The following CDK14 variants were observed in gnomAD, a reference collection of about 807,000 sequenced individuals.
CDK14 encodes the protein cyclin-dependent kinase 14.
A neutral mutation model predicts 60.7 loss-of-function variants in CDK14; 34 were observed. That is an observed-to-expected ratio of 0.56 (90% CI 0.43 to 0.75). CDK14 has a LOEUF of 0.75. CDK14 is among the 30% of genes least tolerant of loss of function. The pLI, the probability that CDK14 is intolerant of heterozygous loss-of-function variation, is 0.00. For missense variants in CDK14, 482 were observed against 564.1 expected (o/e 0.85, Z 1.47); for synonymous variants, 197 against 203.7 (o/e 0.97, Z 0.28).
At chr7:90,759,072 T>A (rs1461241556) in intron 4 of CDK14, among the ~76,000 whole-genome samples, 4 of 117,640 alleles carry the variant, frequency 3.4e-5, no homozygotes, top group Non-Finnish European at 7.4e-5. Context: ...AAAAAAAAAA[T>A]CGTAAAACAA....
At position 91,062,757 on chromosome 7, in the gene CDK14, CA is replaced by C. The variant is rs3840670; in HGVS notation, c.1106-16670del. ...GTGAGGAAAATACTGTTTCATGACA[CA>C]AAAACAAACCACCCCAAAGGTGTAC... On this transcript the variant is annotated intron_variant, in intron 11 of 14. Coordinates refer to ENST00000380050, the MANE Select transcript of CDK14 (RefSeq NM_001287135.2). Among the ~76,000 whole-genome samples the C allele has an allele frequency of 1.6e-3, 250 of 151,646 alleles. 3 individuals are homozygous for C. In the East Asian group the frequency reaches 0.043, roughly 26 times the overall value.
At chr7:91,179,995 T>C (rs1801943281) in intron 14 of CDK14, among the ~76,000 whole-genome samples, 1 of 152,114 alleles carries the variant, frequency 6.6e-6, no homozygotes, top group Non-Finnish European at 1.5e-5. Flanking sequence ...TGCTATAGAG[T>C]ATTATAGAGT....
intron 6 of CDK14, among the ~76,000 whole-genome samples, chr7:90,889,515 G>T (rs1194116613): frequency 6.6e-6 from 1 of 152,148 alleles, no homozygotes. Context: ...TGTAAGACAC[G>T]TACAGGTTTA....
At chr7:91,062,791 C>G (rs1184656633) in intron 11 of CDK14, among the ~76,000 whole-genome samples, 4 of 152,124 alleles carry the variant, frequency 2.6e-5, no homozygotes, top group African/African-American at 9.7e-5. Flanking sequence ...TACTATACCC[C>G]ACTAAGTATC....
chr7:91,171,867 G>A (rs375270365), intron 14 of CDK14, among the ~76,000 whole-genome samples: 16 of 152,120 alleles, frequency 1.1e-4, no homozygotes, highest in South Asian at 6.2e-4. Context: ...GGCTGGTCTC[G>A]AACTCCTGAC....
At chr7:91,092,731 G>GC (rs1279901771) in intron 12 of CDK14, among the ~76,000 whole-genome samples, 1 of 152,110 alleles carries the variant, frequency 6.6e-6, no homozygotes, top group African/African-American at 2.4e-5. Context: ...AAAGTCAAAG[G>GC]CAAGGACTTG....
chr7:90,846,743 C>T (rs961583887), intron 5 of CDK14, among the ~76,000 whole-genome samples: 3 of 152,096 alleles, frequency 2.0e-5, no homozygotes, highest in Admixed American at 6.6e-5. Flanking sequence ...TCACTTCCCT[C>T]GGTTTTATGA....
chr7:90,970,230 TGCCGG>T (rs556625715), intron 9 of CDK14, among the ~76,000 whole-genome samples: 121 of 152,304 alleles, frequency 7.9e-4, no homozygotes, highest in Middle Eastern at 3.4e-3. Flanking sequence ...CTTCCCAAAG[TGCCGG>T]GATTAAAGGT....
intron 2 of CDK14, among the ~76,000 whole-genome samples, chr7:90,712,219 A>C (rs1298105245): frequency 1.3e-5 from 2 of 151,922 alleles, no homozygotes; most frequent in Admixed American, 1.3e-4. Context: ...AGTGTTTTCA[A>C]CCATCACCAC....
chr7:91,086,544 G>A (rs755730080), intron 12 of CDK14, among the ~76,000 whole-genome samples: 4 of 152,016 alleles, frequency 2.6e-5, no homozygotes, highest in Admixed American at 1.3e-4. Flanking sequence ...AGAAAACACC[G>A]TAAAGGCTCA....
At chr7:90,654,266 A>T (rs1254944037) in intron 2 of CDK14, among the ~76,000 whole-genome samples, 1 of 152,188 alleles carries the variant, frequency 6.6e-6, no homozygotes, top group Non-Finnish European at 1.5e-5. Flanking sequence ...CATTTAATTA[A>T]TAATAATGGA....
intron 10 of CDK14, among the ~76,000 whole-genome samples, chr7:91,036,988 G>A (rs995040426): frequency 3.3e-5 from 5 of 152,254 alleles, no homozygotes; most frequent in Non-Finnish European, 7.3e-5. Context: ...AATCACAGGG[G>A]TGAGCTTAGA....
chr7:90,981,688 A>G (rs1227074414), intron 9 of CDK14, among the ~76,000 whole-genome samples: 1 of 152,146 alleles, frequency 6.6e-6, no homozygotes, highest in East Asian at 1.9e-4. Context: ...GCAGGAGTGG[A>G]AGAAGTGTCC....
At chr7:90,999,129 C>G (rs946249770) in intron 10 of CDK14, among the ~76,000 whole-genome samples, 1 of 152,082 alleles carries the variant, frequency 6.6e-6, no homozygotes, top group African/African-American at 2.4e-5. Flanking sequence ...AAGGCCCCAT[C>G]TCCAAATGTC....
At position 91,112,614 on chromosome 7, in the gene CDK14, G is replaced by A. The variant is rs151182341; in HGVS notation, c.1227G>A (p.Ser409=). The A allele has an allele frequency of 1.3e-4, 213 of 1,613,704 alleles. 1 individual carries two copies. The South Asian group carries it at 1.5e-3, about 11-fold the overall frequency. ...LLQCSPKNRL[S]AQAALSHEYF... Reference sequence around the variant, plus strand: ...AATGTTCCCCAAAGAACAGACTGTCGGCACAGGCTGCCTTGAGCCACGAGT... The same window carrying A: ...AATGTTCCCCAAAGAACAGACTGTCAGCACAGGCTGCCTTGAGCCACGAGT... Residue 409 remains serine, a synonymous_variant, in exon 13 of 15, where the codon TCG becomes TCA. Transcript: ENST00000380050.
At chr7:90,826,794 C>T (rs546331086) in intron 5 of CDK14, among the ~76,000 whole-genome samples, 2 of 152,114 alleles carry the variant, frequency 1.3e-5, no homozygotes, top group South Asian at 2.1e-4. Context: ...TTTTCCCTGG[C>T]ACACAGTTCC....
At chr7:90,952,488 C>A (rs73409560) in intron 8 of CDK14, among the ~76,000 whole-genome samples, 1 of 152,070 alleles carries the variant, frequency 6.6e-6, no homozygotes, top group African/African-American at 2.4e-5. Context: ...AGGATTATCC[C>A]TTTTACTCTG....
intron 14 of CDK14, among the ~76,000 whole-genome samples, chr7:91,159,130 C>G (rs1801085759): frequency 6.6e-6 from 1 of 152,190 alleles, no homozygotes; most frequent in African/African-American, 2.4e-5. Context: ...TTTCTGGCAT[C>G]TTTATATTTC....
At chr7:91,021,555 A>G (rs1029764374) in intron 10 of CDK14, among the ~76,000 whole-genome samples, 2 of 152,230 alleles carry the variant, frequency 1.3e-5, no homozygotes, top group African/African-American at 2.4e-5. Context: ...ATGAACAAGT[A>G]CAAGAAATCT....
Sources: allele counts gnomAD v4.1 joint callset (sites outside exome capture counted in the v4.1 genomes callset), GRCh38; gene constraint gnomAD v4.1.1; transcripts MANE v1.5; gene names NCBI Gene and HGNC (gene_info 2026-07-23, HGNC 2026-07-21).